TARBP1: variants seen among roughly 807,000 people sequenced by gnomAD.
TARBP1 encodes tRNA (guanosine(18)-2'-O)-methyltransferase TARBP1.
In TARBP1, 144 loss-of-function variants were observed where a neutral mutation model predicts 178.6. That is an observed-to-expected ratio of 0.81 (90% confidence interval 0.70 to 0.93). The LOEUF is 0.93. Ranked by LOEUF, TARBP1 falls within the 40% of genes least tolerant of loss-of-function variation. TARBP1 has a pLI of 0.00. For synonymous variants in TARBP1, 787 were observed against 781.0 expected, an observed-to-expected ratio of 1.01 and a Z score of -0.13; for missense variants, 2,067 against 2,011.7, an observed-to-expected ratio of 1.03 and a Z score of -0.53.
At chr1:234,430,679 A>G (rs1199230204) in intron 14 of TARBP1, among the ~76,000 whole-genome samples, 2 of 151,926 alleles carry the variant, frequency 1.3e-5, no homozygotes, top group African/African-American at 4.8e-5. Flanking sequence ...CAGCATTCCT[A>G]TGGGTGAGCC....
chr1:234,437,382 G>C lies in TARBP1; in HGVS notation c.2135-10C>G. ...ACAGTAGACACCTCATCTGTATGGG[G>C]GCAAAAAGCATGCAACTAAAATGAC... On this transcript the variant is annotated splice_polypyrimidine_tract_variant and intron_variant, in intron 12 of 29. Transcript: ENST00000040877. 1 of 1,431,648 alleles carries C rather than the reference G, an allele frequency of 7.0e-7. No homozygotes were observed. Among genetic ancestry groups the C allele is most frequent in the Middle Eastern group, 1.8e-4 (1 of 5,558 alleles). 88.7% of individuals were successfully genotyped at this position (1,431,648 alleles called of 1,614,324 possible). A position where few individuals can be genotyped will look rare whatever the true frequency, so the allele number is the denominator to read the frequency against.
chr1:234,465,640 CATA>C lies in TARBP1; in HGVS notation c.1301+13_1301+15del, dbSNP rs1668355130. The C allele has an allele frequency of 6.5e-7, 1 of 1,529,832 alleles. No homozygotes were observed. The allele number at this position is 1,529,832 out of a possible 1,614,324, so 94.8% of individuals were successfully genotyped here. On this transcript the variant is annotated intron_variant, in intron 5 of 29. Coordinates refer to ENST00000040877, the MANE Select transcript of TARBP1 (RefSeq NM_005646.4). ...AATGTATGTATCAAATACTTCATAA[CATA>C]ATGTCTCTTTACCTGCTATACAGAG...
At chr1:234,442,961 T>A (rs1425661466) in intron 12 of TARBP1, among the ~76,000 whole-genome samples, 3 of 152,140 alleles carry the variant, frequency 2.0e-5, no homozygotes, top group Admixed American at 2.0e-4. Flanking sequence ...TGTCACAATA[T>A]ACAAACTGTG....
chr1:234,393,908 A>G lies in TARBP1; in HGVS notation c.4244-71T>C, dbSNP rs1659662826. On this transcript the variant is annotated intron_variant, in intron 26 of 29. Coordinates refer to ENST00000040877, the MANE Select transcript of TARBP1 (RefSeq NM_005646.4). The stretch of plus-strand genomic sequence containing the variant: ...TCTCTATATATTTATGTATACATGT[A>G]TATGTATTTTTAAGAATGTGAAATA... 4.6e-6 allele frequency: 5 copies of G among 1,091,202 alleles called. No homozygotes were observed. The South Asian group carries it at 6.2e-5, about 14-fold the overall frequency. 67.6% of individuals were successfully genotyped at this position (1,091,202 alleles called of 1,614,324 possible).
chr1:234,400,026 T>TA (rs1660521102), intron 25 of TARBP1, among the ~76,000 whole-genome samples: 1 of 145,810 alleles, frequency 6.9e-6, no homozygotes, highest in Admixed American at 7.1e-5. Flanking sequence ...ACCTAAAACT[T>TA]AAAGTATAAT....
intron 20 of TARBP1, 90 bp downstream of exon 20, chr1:234,425,583 A>G (rs1663650565): frequency 7.5e-7 from 1 of 1,334,412 alleles, no homozygotes; most frequent in East Asian, 2.3e-5. Flanking sequence ...GACAAAAGAT[A>G]TTTAGAAGTA....
At position 234,448,464 on chromosome 1, in the gene TARBP1, T is replaced by C; in HGVS notation, c.1961+16A>G. The C allele has an allele frequency of 6.2e-7, 1 of 1,603,886 alleles. No homozygotes were observed. Among genetic ancestry groups the C allele is most frequent in the East Asian group, 2.2e-5 (1 of 44,804 alleles). The stretch of plus-strand genomic sequence containing the variant: ...TTTTTCAAATAGGCTTTCTTTTCAA[T>C]TACAGAAACAATTACCTATACTGAG... On this transcript the variant is annotated intron_variant, in intron 11 of 29. Coordinates refer to ENST00000040877, the MANE Select transcript of TARBP1 (RefSeq NM_005646.4).
intron 8 of TARBP1, 143 bp from the exon 9 acceptor site, chr1:234,457,899 C>G (rs968101420): frequency 1.9e-6 from 1 of 514,704 alleles, no homozygotes; most frequent in African/African-American, 2.1e-5. Context: ...ATATCATTAG[C>G]TAAATCAAAA....
At chr1:234,466,620 TG>T (rs1258469749) in intron 4 of TARBP1, among the ~76,000 whole-genome samples, 4 of 152,094 alleles carry the variant, frequency 2.6e-5, no homozygotes, top group Non-Finnish European at 4.4e-5. Flanking sequence ...CCCAGCACTT[TG>T]GGAGGCCAAG....
At chr1:234,454,371 C>T (rs1191773036) in intron 9 of TARBP1, among the ~76,000 whole-genome samples, 5 of 151,792 alleles carry the variant, frequency 3.3e-5, no homozygotes, top group Non-Finnish European at 7.4e-5. Context: ...TTTTTTAAGC[C>T]CTTTAAACTC....
At chr1:234,433,101 G>A (rs908425836) in intron 14 of TARBP1, among the ~76,000 whole-genome samples, 2 of 152,116 alleles carry the variant, frequency 1.3e-5, no homozygotes, top group African/African-American at 4.8e-5. Flanking sequence ...AGCCAGCCAT[G>A]GTGGCACACA....
chr1:234,406,026 T>C lies in TARBP1; in HGVS notation c.3866A>G (p.Tyr1289Cys), dbSNP rs138050278. 1.7e-5 allele frequency: 28 copies of C among 1,614,200 alleles called. 1 individual carries two copies. The highest frequency in any genetic ancestry group is 4.4e-5 in the South Asian group (4 of 91,086). Residue 1289 changes from tyrosine to cysteine, a missense_variant, in exon 24 of 30, where the codon TAT becomes TGT. Transcript: ENST00000040877. ...GAGTTTCTTAAGAGCAACTAAAGCA[T>C]ACAGTCGAACACTAAAATTGTGATT... ...CFNHNFSVRL[Y>C]ALVALKKLWT...
At chr1:234,418,043 T>A (rs1194796315) in intron 22 of TARBP1, 41 bp downstream of exon 22, 1 of 1,135,076 alleles carries the variant, frequency 8.8e-7, no homozygotes, top group South Asian at 2.2e-5. Context: ...GTCAAAATCA[T>A]GTCTTAGTTT....
At chr1:234,465,595 G>A in intron 5 of TARBP1, 61 bp downstream of exon 5, 2 of 1,426,722 alleles carry the variant, frequency 1.4e-6, no homozygotes, top group Non-Finnish European at 1.9e-6. Flanking sequence ...GAAACAATCT[G>A]GTCATGTCTC....
chr1:234,459,394 A>C (rs1409554685), intron 7 of TARBP1, 68 bp from the exon 8 acceptor site: 4 of 1,263,250 alleles, frequency 3.2e-6, no homozygotes, highest in African/African-American at 1.5e-5. Context: ...TGTGATTATC[A>C]ACAAGTTGAT....
In TARBP1 at chr1:234,444,187, T is replaced by C. The variant is rs1276342500; in HGVS notation, c.2134+2616A>G. On this transcript the variant is annotated intron_variant, in intron 12 of 29. Transcript: ENST00000040877. ...CCTACGTCAGGAAGAAAAGTTCCAATAGACAAGAGATTACTCCCACAAAAA... is the reference window on the plus strand; with the variant it reads ...CCTACGTCAGGAAGAAAAGTTCCAACAGACAAGAGATTACTCCCACAAAAA... Among the ~76,000 whole-genome samples the C allele has an allele frequency of 2.0e-5, 3 of 151,620 alleles. No individual in the cohort carries two copies. In the East Asian group the frequency reaches 5.8e-4, roughly 29 times the overall value.
chr1:234,407,662 A>G (rs1194584652), intron 23 of TARBP1: 2 of 152,114 alleles, frequency 1.3e-5, no homozygotes, highest in African/African-American at 4.8e-5. Flanking sequence ...TCATTTATTT[A>G]TATCGGTGTG....
intron 13 of TARBP1, among the ~76,000 whole-genome samples, chr1:234,436,810 G>T (rs1221042745): frequency 1.3e-5 from 2 of 152,148 alleles, no homozygotes; most frequent in Admixed American, 6.5e-5. Flanking sequence ...AACAAATTAT[G>T]TACAGTCTAG....
At chr1:234,457,337 G>A (rs1312784913) in intron 9 of TARBP1, among the ~76,000 whole-genome samples, 2 of 152,210 alleles carry the variant, frequency 1.3e-5, no homozygotes, top group Non-Finnish European at 2.9e-5. Flanking sequence ...AAAAGAGAAA[G>A]AGGAGTTTGT....
Sources: allele counts gnomAD v4.1 joint callset (sites outside exome capture counted in the v4.1 genomes callset), GRCh38; gene constraint gnomAD v4.1.1; transcripts MANE v1.5; gene names NCBI Gene and HGNC (gene_info 2026-07-23, HGNC 2026-07-21).